CEP112: variants seen among roughly 807,000 people sequenced by gnomAD.
The protein encoded by CEP112 is centrosomal protein of 112 kDa.
CEP112 carries 127 observed loss-of-function variants against 153.0 expected under a neutral mutation model. The ratio of observed to expected loss-of-function variants is 0.83; its 90% CI spans 0.72 to 0.96. The LOEUF (loss-of-function observed/expected upper bound fraction) is 0.96. CEP112 is among the 40% of genes least tolerant of loss of function. The probability of loss-of-function intolerance (pLI) is 0.00; values close to 1 mark genes in which losing one functional copy is unlikely to be tolerated. For synonymous variants in CEP112, 358 were observed against 374.4 expected (o/e 0.96, Z 0.51); for missense variants, 1,089 against 1,101.2 (o/e 0.99, Z 0.16).
chr17:65,961,409 A>T, intron 18 of CEP112, 54 bp downstream of exon 18: 1 of 1,492,648 alleles, frequency 6.7e-7, no homozygotes, highest in South Asian at 1.3e-5. Context: ...ATGAGAATGT[A>T]CCTTCCTACT....
intron 20 of CEP112, 74 bp downstream of exon 20, chr17:65,902,075 GAAT>G (rs998981140): frequency 1.8e-5 from 16 of 905,786 alleles, no homozygotes; most frequent in South Asian, 2.3e-5. Context: ...GCATCAATAA[GAAT>G]AATAAGAAAA....
chr17:65,794,569 T>C (rs1031113911), intron 21 of CEP112, among the ~76,000 whole-genome samples: 1 of 152,218 alleles, frequency 6.6e-6, no homozygotes, highest in African/African-American at 2.4e-5. Context: ...TCAACTTCTC[T>C]AATTTCAGAA....
intron 6 of CEP112, among the ~76,000 whole-genome samples, chr17:66,098,079 G>C (rs1449194373): frequency 6.6e-6 from 1 of 152,222 alleles, no homozygotes; most frequent in African/African-American, 2.4e-5. Flanking sequence ...CACTCACTGA[G>C]TTTTGGCAAT....
At chr17:65,983,162 G>A (rs1004987793) in intron 17 of CEP112, among the ~76,000 whole-genome samples, 21 of 152,266 alleles carry the variant, frequency 1.4e-4, no homozygotes, top group African/African-American at 4.8e-4. Flanking sequence ...GCACAACAAC[G>A]TGAATGTACT....
At chr17:65,855,460 G>A (rs1246896940) in intron 20 of CEP112, among the ~76,000 whole-genome samples, 2 of 152,180 alleles carry the variant, frequency 1.3e-5, no homozygotes, top group African/African-American at 4.8e-5. Flanking sequence ...CTCACTTCCA[G>A]GAGCTTAGGT....
chr17:66,065,534 T>C (rs1375674373), intron 10 of CEP112, among the ~76,000 whole-genome samples: 5 of 152,092 alleles, frequency 3.3e-5, no homozygotes, highest in East Asian at 1.9e-4. Flanking sequence ...GCTCTTTACA[T>C]CCAGCATCTA....
chr17:65,849,252 T>C (rs1392030475), intron 21 of CEP112, among the ~76,000 whole-genome samples: 1 of 152,332 alleles, frequency 6.6e-6, no homozygotes, highest in East Asian at 1.9e-4. Flanking sequence ...TTATGTTACT[T>C]ATGTCTCATT....
At chr17:65,971,285 A>T (rs548616584) in intron 17 of CEP112, among the ~76,000 whole-genome samples, 2 of 152,230 alleles carry the variant, frequency 1.3e-5, no homozygotes, top group Non-Finnish European at 2.9e-5. Flanking sequence ...GCACATGCAC[A>T]TAACAAATAT....
intron 6 of CEP112, among the ~76,000 whole-genome samples, chr17:66,121,438 A>T (rs2069583412): frequency 6.6e-6 from 1 of 152,092 alleles, no homozygotes; most frequent in African/African-American, 2.4e-5. Context: ...CTTCAAACGT[A>T]TTTTCTGCTC....
At chr17:66,177,562 T>A (rs1228347850) in intron 2 of CEP112, among the ~76,000 whole-genome samples, 4 of 152,194 alleles carry the variant, frequency 2.6e-5, no homozygotes, top group Non-Finnish European at 5.9e-5. Context: ...TTCAAGCATG[T>A]ATCCTCTGTG....
At chr17:66,127,713 C>A (rs192248342) in intron 6 of CEP112, among the ~76,000 whole-genome samples, 347 of 152,230 alleles carry the variant, frequency 2.3e-3, no homozygotes, top group African/African-American at 8.3e-3. Context: ...GTGACTCCAA[C>A]ATATACCTCC....
chr17:66,149,884 G>GGTTTTTTT (rs2071105490), intron 4 of CEP112, among the ~76,000 whole-genome samples: 1 of 46,838 alleles, frequency 2.1e-5, no homozygotes, highest in Non-Finnish European at 3.7e-5. Flanking sequence ...TTTTTTGTTT[G>GGTTTTTTT]TTTGTTTTTT....
At chr17:65,806,669 C>T (rs2055622416) in intron 21 of CEP112, among the ~76,000 whole-genome samples, 1 of 152,126 alleles carries the variant, frequency 6.6e-6, no homozygotes, top group Non-Finnish European at 1.5e-5. Flanking sequence ...GTGGCACTTC[C>T]CCCTTCTCTC....
intron 21 of CEP112, among the ~76,000 whole-genome samples, chr17:65,799,099 T>C (rs966645936): frequency 1.3e-5 from 2 of 152,232 alleles, no homozygotes; most frequent in Admixed American, 6.5e-5. Flanking sequence ...TTTAAGTATA[T>C]GATAATGTAG....
intron 17 of CEP112, among the ~76,000 whole-genome samples, chr17:65,967,607 C>T (rs2062460055): frequency 6.6e-6 from 1 of 151,812 alleles, no homozygotes. Flanking sequence ...ATTTTAAGTG[C>T]TAAAAGAATA....
chr17:65,730,292 C>T (rs1432535673), intron 23 of CEP112, among the ~76,000 whole-genome samples: 6 of 152,154 alleles, frequency 3.9e-5, no homozygotes, highest in Admixed American at 2.0e-4. Flanking sequence ...CTTTCTTCTC[C>T]GCTCATTTAT....
intron 8 of CEP112, among the ~76,000 whole-genome samples, chr17:66,078,707 G>GTT (rs2067603933): frequency 6.6e-6 from 1 of 151,808 alleles, no homozygotes; most frequent in Admixed American, 6.6e-5. Context: ...TTGTATTTTT[G>GTT]TTTTACAGGT....
intron 20 of CEP112, among the ~76,000 whole-genome samples, chr17:65,883,519 C>T (rs2059162369): frequency 6.6e-6 from 1 of 152,168 alleles, no homozygotes; most frequent in African/African-American, 2.4e-5. Flanking sequence ...TGCCACCATG[C>T]CCAGCTAATG....
At chr17:66,031,412 A>G (rs993010390) in intron 12 of CEP112, among the ~76,000 whole-genome samples, 22 of 152,312 alleles carry the variant, frequency 1.4e-4, no homozygotes, top group African/African-American at 4.6e-4. Context: ...TGGCAATAAA[A>G]GAGTAGCTTG....
Sources: allele counts gnomAD v4.1 joint callset (sites outside exome capture counted in the v4.1 genomes callset), GRCh38; gene constraint gnomAD v4.1.1; transcripts MANE v1.5; gene names NCBI Gene and HGNC (gene_info 2026-07-23, HGNC 2026-07-21).